The following UNC13C variants were observed in gnomAD, a reference collection of about 807,000 sequenced individuals.
The protein encoded by UNC13C is unc-13 homolog C.
Under a neutral mutation model 245.4 loss-of-function variants are expected in UNC13C, and 174 were observed. The ratio of observed to expected loss-of-function variants is 0.71; its 90% CI spans 0.63 to 0.80. The LOEUF is 0.80. UNC13C is among the 30% of genes least tolerant of loss of function. The pLI is 0.00. For synonymous variants in UNC13C, 992 were observed against 895.1 expected (o/e 1.11, Z -1.93); for missense variants, 2,829 against 2,602.9 (o/e 1.09, Z -1.89).
intron 2 of UNC13C, among the ~76,000 whole-genome samples, chr15:54,088,129 A>G (rs1899346918): frequency 6.6e-6 from 1 of 150,472 alleles, no homozygotes; most frequent in African/African-American, 2.4e-5. Flanking sequence ...TATTTTTTGT[A>G]TCAACTGAAT....
chr15:54,227,657 G>A (rs997012312), intron 4 of UNC13C, among the ~76,000 whole-genome samples: 3 of 152,210 alleles, frequency 2.0e-5, no homozygotes, highest in African/African-American at 7.2e-5. Context: ...GTGGCCCCAG[G>A]GAGTGAGATC....
intron 10 of UNC13C, among the ~76,000 whole-genome samples, chr15:54,273,095 A>G (rs906900418): frequency 6.6e-6 from 1 of 152,184 alleles, no homozygotes; most frequent in Non-Finnish European, 1.5e-5. Flanking sequence ...ACTGTTCTGC[A>G]GGAATCTGTC....
the UNC13C span, among the ~76,000 whole-genome samples, chr15:53,882,741 A>G: frequency 7.3e-4 from 111 of 152,296 alleles, no homozygotes; most frequent in African/African-American, 1.9e-3. Context: ...TTCTTGAGTT[A>G]CGGATTGATA....
At chr15:54,170,708 C>G (rs529025621) in intron 4 of UNC13C, among the ~76,000 whole-genome samples, 3 of 152,064 alleles carry the variant, frequency 2.0e-5, no homozygotes, top group Admixed American at 1.3e-4. Context: ...TCAGAAGGTA[C>G]GATACTCTGC....
At chr15:54,218,889 A>G (rs2035127347) in intron 4 of UNC13C, among the ~76,000 whole-genome samples, 1 of 152,024 alleles carries the variant, frequency 6.6e-6, no homozygotes. Flanking sequence ...ATGCATCTTA[A>G]TGGGACGTAA....
chr15:54,522,824 T>A (rs1895279545), intron 24 of UNC13C, among the ~76,000 whole-genome samples: 1 of 152,228 alleles, frequency 6.6e-6, no homozygotes, highest in Non-Finnish European at 1.5e-5. Flanking sequence ...CCAATTAAGT[T>A]GTTCATACAC....
At chr15:54,630,039 C>G (rs1370126386), downstream of UNC13C, 3 of 152,154 alleles carry the variant, frequency 2.0e-5, no homozygotes, top group Non-Finnish European at 4.4e-5. Flanking sequence ...CTCTAAGGTT[C>G]CCAGTGATCT....
At chr15:54,274,353 T>C (rs1367629445) in intron 10 of UNC13C, among the ~76,000 whole-genome samples, 1 of 152,190 alleles carries the variant, frequency 6.6e-6, no homozygotes, top group Non-Finnish European at 1.5e-5. Flanking sequence ...ATTGCAAATA[T>C]CATTATAATT....
chr15:54,167,441 G>C (rs1216570014), intron 4 of UNC13C, among the ~76,000 whole-genome samples: 4 of 147,540 alleles, frequency 2.7e-5, no homozygotes, highest in Non-Finnish European at 4.5e-5. Flanking sequence ...GGCGGAGCTT[G>C]CAGTGAGCCG....
At chr15:54,251,498 C>T (rs1364714246) in intron 8 of UNC13C, among the ~76,000 whole-genome samples, 1 of 152,156 alleles carries the variant, frequency 6.6e-6, no homozygotes, top group East Asian at 1.9e-4. Context: ...GTACATGCCA[C>T]TTTGGTTTTT....
At chr15:54,071,395 T>C (rs989706770) in intron 2 of UNC13C, among the ~76,000 whole-genome samples, 35 of 152,330 alleles carry the variant, frequency 2.3e-4, no homozygotes, top group African/African-American at 7.9e-4. Flanking sequence ...TGGGTATTGT[T>C]ACTATTTTCT....
chr15:54,392,925 C>T (rs2039987996), intron 17 of UNC13C, 123 bp from the exon 18 acceptor site: 20 of 1,156,592 alleles, frequency 1.7e-5, no homozygotes, highest in Non-Finnish European at 2.3e-5. Context: ...ACAGCTTTGA[C>T]TCCCATAATC....
intron 10 of UNC13C, among the ~76,000 whole-genome samples, chr15:54,280,277 T>C (rs185253208): frequency 2.0e-5 from 3 of 152,054 alleles, no homozygotes; most frequent in East Asian, 1.9e-4. Context: ...AAATACAATA[T>C]ACTTATTAAA....
intron 10 of UNC13C, among the ~76,000 whole-genome samples, chr15:54,286,843 A>G (rs934919091): frequency 6.6e-6 from 1 of 152,168 alleles, no homozygotes; most frequent in African/African-American, 2.4e-5. Flanking sequence ...CCAGAAAAGG[A>G]GTATATTTTT....
chr15:54,250,560 C>A, intron 8 of UNC13C, 116 bp downstream of exon 8: 1 of 868,820 alleles, frequency 1.2e-6, no homozygotes, highest in Non-Finnish European at 1.7e-6. Flanking sequence ...CGCTCCCCTC[C>A]CACCACTTAC....
At chr15:53,851,215 C>G in the UNC13C span, among the ~76,000 whole-genome samples, 1 of 151,970 alleles carries the variant, frequency 6.6e-6, no homozygotes, top group East Asian at 1.9e-4. Context: ...TTTTTCCCAC[C>G]TCTTTATCCA....
At chr15:54,094,921 A>G (rs1595846511) in intron 2 of UNC13C, among the ~76,000 whole-genome samples, 1 of 152,116 alleles carries the variant, frequency 6.6e-6, no homozygotes, top group Non-Finnish European at 1.5e-5. Flanking sequence ...TTTAACTGCA[A>G]TTCTCCCTTA....
At chr15:54,076,232 A>G (rs938208463) in intron 2 of UNC13C, among the ~76,000 whole-genome samples, 1 of 148,670 alleles carries the variant, frequency 6.7e-6, no homozygotes, top group Admixed American at 6.7e-5. Context: ...AGCATTAGGT[A>G]TATCGCCCAA....
rs1895494572 is a variant in UNC13C at position 54,013,699 on chromosome 15, C to T, written c.796C>T (p.His266Tyr). The T allele has an allele frequency of 1.2e-6, 2 of 1,613,438 alleles. No homozygotes were observed. The highest frequency in any genetic ancestry group is 1.1e-5 in the South Asian group (1 of 91,044). Residue 266 changes from histidine (H) to tyrosine (Y), a missense_variant, in exon 2 of 33, where the codon CAC becomes TAC. Transcript: ENST00000260323. ...IETELSELRG[H>Y]VNALKHSIDE... Reference sequence around the variant, plus strand: ...AACAGAACTTTCTGAACTACGAGGGCACGTCAATGCTCTCAAGCACTCCAT... The same window carrying T: ...AACAGAACTTTCTGAACTACGAGGGTACGTCAATGCTCTCAAGCACTCCAT...
Sources: allele counts gnomAD v4.1 joint callset (sites outside exome capture counted in the v4.1 genomes callset), GRCh38; gene constraint gnomAD v4.1.1; transcripts MANE v1.5; gene names NCBI Gene and HGNC (gene_info 2026-07-23, HGNC 2026-07-21).